The following SYNE2 variants were observed in gnomAD, a reference collection of about 807,000 sequenced individuals.
SYNE2 encodes nesprin-2.
A neutral mutation model predicts 856.3 loss-of-function variants in SYNE2; 431 were observed. That is an observed-to-expected ratio of 0.50 (90% CI 0.47 to 0.55). The LOEUF is 0.55. SYNE2 is among the 20% of genes least tolerant of loss of function. SYNE2 has a pLI of 0.00. For synonymous variants in SYNE2, 2,923 were observed against 2,872.3 expected (o/e 1.02, Z -0.56); for missense variants, 8,129 against 8,023.2 (o/e 1.01, Z -0.50).
intron 65 of SYNE2, chr14:64,113,112 G>T (rs2097824968): frequency 1.0e-6 from 1 of 985,240 alleles, no homozygotes; most frequent in South Asian, 4.7e-5. Flanking sequence ...CGTCCTCTGT[G>T]CCCGGGAATA....
intron 79 of SYNE2, among the ~76,000 whole-genome samples, chr14:64,138,287 A>G (rs2098112500): frequency 6.6e-6 from 1 of 152,110 alleles, no homozygotes; most frequent in Non-Finnish European, 1.5e-5. Flanking sequence ...CATGGAGTGC[A>G]GCAGCACTAT....
chr14:64,165,217 A>G (rs1414884998), intron 89 of SYNE2, 68 bp from the exon 90 acceptor site: 1 of 1,552,218 alleles, frequency 6.4e-7, no homozygotes, highest in African/African-American at 1.4e-5. Flanking sequence ...GCAGCTCCCA[A>G]GCCTGTGTTT....
At chr14:64,123,594 A>G (rs1310199773) in intron 70 of SYNE2, among the ~76,000 whole-genome samples, 3 of 152,170 alleles carry the variant, frequency 2.0e-5, no homozygotes, top group Non-Finnish European at 4.4e-5. Flanking sequence ...TCTTTCCCCA[A>G]GCAGAGTCAT....
At chr14:63,962,242 G>A (rs981161954) in intron 9 of SYNE2, among the ~76,000 whole-genome samples, 2 of 151,916 alleles carry the variant, frequency 1.3e-5, no homozygotes, top group Admixed American at 1.3e-4. Context: ...ATTTGGTAGA[G>A]ACTGGGTTTC....
At position 63,829,430 on chromosome 14, in the gene SYNE2, C is replaced by CA. The variant is rs903645624; in HGVS notation, c.-304-23062dup. ...AGATCCTGTGTCAAAAACAAACAAA[C>CA]AAAAAAAAACAAAAAAAGTCTAGCG... On this transcript the variant is annotated intron_variant, in intron 1 of 23. Transcript: ENST00000674003. Among the ~76,000 whole-genome samples, 149 of 148,170 alleles carry CA rather than the reference C, an allele frequency of 1.0e-3. 1 individual carries two copies. The highest frequency in any genetic ancestry group is 6.8e-3 in the Middle Eastern group (2 of 292).
intron 58 of SYNE2, among the ~76,000 whole-genome samples, chr14:64,088,978 A>G (rs1416439766): frequency 3.9e-5 from 6 of 152,246 alleles, no homozygotes; most frequent in African/African-American, 9.6e-5. Context: ...GTAGGTGCAC[A>G]GAATAATGTC....
rs370984274 is a variant in SYNE2 at position 64,209,989 on chromosome 14, C to G, written c.18588C>G (p.Ile6196Met). ...AGCGGCTCACTCAGCTGGAGCTCAT[C>G]AACAAGCAGTACCGGCGGCTGGCCC... ...IHERLTQLEL[I>M]NKQYRRLARE... Residue 6196 changes from isoleucine to methionine, a missense_variant, in exon 103 of 116, where the codon ATC becomes ATG. Coordinates refer to ENST00000555002, the MANE Select transcript of SYNE2 (RefSeq NM_182914.3). 1.9e-6 allele frequency: 3 copies of G among 1,614,034 alleles called. No homozygotes were observed. The highest frequency in any genetic ancestry group is 2.5e-6 in the Non-Finnish European group (3 of 1,180,046).
intron 1 of SYNE2, among the ~76,000 whole-genome samples, chr14:63,866,635 G>A (rs997777847): frequency 6.6e-6 from 1 of 152,106 alleles, no homozygotes; most frequent in Non-Finnish European, 1.5e-5. Context: ...TAACATACAT[G>A]ATCAAAATTG....
chr14:64,123,319 G>A (rs774563119), intron 70 of SYNE2, among the ~76,000 whole-genome samples: 3 of 152,204 alleles, frequency 2.0e-5, no homozygotes, highest in Non-Finnish European at 4.4e-5. Flanking sequence ...CAGGGAGCAG[G>A]TGAGCAAAAC....
At position 64,056,033 on chromosome 14, in the gene SYNE2, C is replaced by A; in HGVS notation, c.9834C>A (p.Ile3278=). 6.2e-7 allele frequency: 1 copy of A among 1,614,084 alleles called. No homozygotes were observed. Among genetic ancestry groups the A allele is most frequent in the African/African-American group, 1.3e-5 (1 of 75,028 alleles). ...AGAGCATCACTTCCCTCGAAGCCAT[C>A]ATTATACCCTACAGAGTAGATGTTG... ...AVESITSLEA[I]IIPYRVDVGN... is the part of the protein sequence containing the mutation. Residue 3278 remains isoleucine, a synonymous_variant, in exon 49 of 116, where the codon ATC becomes ATA. Transcript: ENST00000555002.
chr14:64,025,657 G>T (rs1356191452), intron 41 of SYNE2, among the ~76,000 whole-genome samples: 1 of 152,190 alleles, frequency 6.6e-6, no homozygotes, highest in Non-Finnish European at 1.5e-5. Flanking sequence ...TGTGCCTATT[G>T]TCCGTCTTCA....
chr14:64,158,987 A>G (rs1265859857), intron 86 of SYNE2, among the ~76,000 whole-genome samples, 192 bp downstream of exon 86: 1 of 152,066 alleles, frequency 6.6e-6, no homozygotes, highest in Non-Finnish European at 1.5e-5. Flanking sequence ...ACATTGTAAA[A>G]TGTTTGAATT....
chr14:64,168,165 G>T (rs188336058), intron 92 of SYNE2, among the ~76,000 whole-genome samples: 22 of 152,166 alleles, frequency 1.4e-4, no homozygotes, highest in African/African-American at 5.1e-4. Flanking sequence ...GTGCAGTGGC[G>T]CAATCTCGGC....
chr14:64,053,659 T>TA lies in SYNE2; in HGVS notation c.9744+4dup. 1 of 1,612,276 alleles carries TA rather than the reference T, an allele frequency of 6.2e-7. No homozygotes were observed. Among genetic ancestry groups the TA allele is most frequent in the Non-Finnish European group, 8.5e-7 (1 of 1,178,900 alleles). On this transcript the variant is annotated splice_region_variant and intron_variant, in intron 48 of 115. Coordinates refer to ENST00000555002, the MANE Select transcript of SYNE2 (RefSeq NM_182914.3). ...AACACAAGCATTGATTTGCGCACAG[T>TA]AAGTTTTAAAAATTATGCAGTTAGT...
chr14:64,133,783 T>C (rs1048614133), intron 77 of SYNE2, among the ~76,000 whole-genome samples: 1 of 152,218 alleles, frequency 6.6e-6, no homozygotes, highest in African/African-American at 2.4e-5. Context: ...TTTAACTTCA[T>C]TGTATTACTC....
rs750882417 is a variant in SYNE2, at chr14:64,093,440, A to G, written c.12068A>G (p.His4023Arg). 6 of 1,614,082 alleles carry G rather than the reference A, an allele frequency of 3.7e-6. No homozygotes were observed. Among genetic ancestry groups the G allele is most frequent in the Non-Finnish European group, 3.4e-6 (4 of 1,180,018 alleles). The change falls in exon 61 of 116, where the codon CAT becomes CGT. Residue 4023 changes from histidine (H) to arginine (R), a missense_variant. His to Arg is a conservative substitution (Grantham distance 29). Coordinates refer to ENST00000555002, the MANE Select transcript of SYNE2 (RefSeq NM_182914.3). ...TATTCAGCTCAGTTCTCCCTTGAAC[A>G]TATGTCACCAGACCAAGCTGACAAG... ...NNYSAQFSLE[H>R]MSPDQADKLP...
In SYNE2 at chr14:64,119,432, G is replaced by A. The variant is rs377242597; in HGVS notation, c.12846G>A (p.Met4282Ile). 1.2e-6 allele frequency: 2 copies of A among 1,614,084 alleles called. No homozygotes were observed. Among genetic ancestry groups the A allele is most frequent in the African/African-American group, 2.7e-5 (2 of 74,942 alleles). The change falls in exon 67 of 116, where the codon ATG becomes ATA. Residue 4282 changes from methionine (M) to isoleucine (I), a missense_variant. Around this residue, in one of 3 missense-constraint regions of SYNE2, gnomAD observed 5,410 missense variants for 5,284.8 expected, o/e 1.02. Coordinates refer to ENST00000555002, the MANE Select transcript of SYNE2 (RefSeq NM_182914.3). ...LEQQLVGCQAMLTEIEHKVAF... is the reference protein window; with the variant it reads ...LEQQLVGCQAILTEIEHKVAF... ...TAAATGCTTTTATTTCCTAGGCTAT[G>A]CTAACAGAGATTGAGCACAAGGTTG...
At chr14:63,997,184 C>A in intron 24 of SYNE2, 26 bp downstream of exon 24, 2 of 1,605,520 alleles carry the variant, frequency 1.2e-6, no homozygotes, top group South Asian at 1.1e-5. Context: ...GAATAGCTAC[C>A]CTTCAGGATA....
chr14:63,959,959 G>C (rs1193377061), intron 8 of SYNE2, among the ~76,000 whole-genome samples: 1 of 151,964 alleles, frequency 6.6e-6, no homozygotes, highest in Admixed American at 6.6e-5. Flanking sequence ...ATTATAAATG[G>C]CTTAAATAAT....
Sources: gnomAD v4.1 joint callset for allele counts (sites outside exome capture counted in the v4.1 genomes callset) on GRCh38, gnomAD v4.1.1 for gene constraint, gnomAD v4.1.1 regional missense constraint, MANE v1.5 for transcripts, NCBI Gene and HGNC (gene_info 2026-07-23, HGNC 2026-07-21) for gene names.